MIEF2: variants seen among roughly 807,000 people sequenced by gnomAD.
MIEF2 encodes the protein mitochondrial dynamics protein MID49.
MIEF2 carries 1 observed loss-of-function variant against 7.4 expected under a neutral mutation model. The observed-to-expected ratio is 0.14, with a 90% CI of 0.05 to 0.64. The LOEUF (loss-of-function observed/expected upper bound fraction) is 0.64, where lower values mean the gene tolerates loss of function less well. Among genes scored for constraint, MIEF2 ranks in the 30% least tolerant of loss-of-function variants. MIEF2 has a pLI of 0.85. For synonymous variants in MIEF2, 275 were observed against 290.5 expected, an observed-to-expected ratio of 0.95 and a Z score of 0.54; for missense variants, 569 against 623.9, an observed-to-expected ratio of 0.91 and a Z score of 0.94.
Position 18,264,237 on chromosome 17 carries a change from C to G in MIEF2, c.838C>G (p.Arg280Gly), listed in dbSNP as rs528202505. The G allele has an allele frequency of 6.2e-7, 1 of 1,603,972 alleles. No individual in the cohort carries two copies. The highest frequency in any genetic ancestry group is 8.5e-7 in the Non-Finnish European group (1 of 1,179,682). Reference sequence around the variant, plus strand: ...TGGCAGCCTTCTCGGGTGCCTGATCCGGCCCAGCATGGCCTCGGAGGAGCT... The same window carrying G: ...TGGCAGCCTTCTCGGGTGCCTGATCGGGCCCAGCATGGCCTCGGAGGAGCT... Reference protein sequence around the residue: ...AIGSLLGCLIRPSMASEELLL... With the variant: ...AIGSLLGCLIGPSMASEELLL... Residue 280 changes from arginine (R) to glycine (G), a missense_variant, in exon 4 of 4, where the codon CGG (arginine) becomes GGG (glycine). Arg to Gly is a moderately radical substitution (Grantham distance 125). Transcript: ENST00000323019.
rs116657423 is a variant in MIEF2, at chr17:18,261,588, T to A, written c.-8+851T>A. Among the ~76,000 whole-genome samples, 771 of 152,166 alleles carry A rather than the reference T, an allele frequency of 5.1e-3. 6 individuals are homozygous for A. The highest frequency in any genetic ancestry group is 0.018 in the African/African-American group (750 of 41,504). ...CAGCTCCCAGGGCCTGAGGGCAGTG[T>A]CCCCCTCGCAGAACGTGAGGAATGT... On this transcript the variant is annotated intron_variant, in intron 1 of 3. Transcript: ENST00000323019.
chr17:18,261,070 C>T (rs1470749963), intron 1 of MIEF2: 2 of 1,542,984 alleles, frequency 1.3e-6, no homozygotes, highest in East Asian at 2.4e-5. Context: ...TTTCAGCCAC[C>T]CGTGCCCTTT....
In MIEF2 at chr17:18,263,719, C is replaced by A; in HGVS notation, c.320C>A (p.Ala107Glu). 1 of 1,580,762 alleles carries A rather than the reference C, an allele frequency of 6.3e-7. No homozygotes were observed. Among genetic ancestry groups the A allele is most frequent in the Admixed American group, 1.8e-5 (1 of 56,844 alleles). Reference sequence around the variant, plus strand: ...CCCCTTCACTCTGCAGAAGGGCCTGCAGAAACTGATCCTGAGGTGACACCA... The same window carrying A: ...CCCCTTCACTCTGCAGAAGGGCCTGAAGAAACTGATCCTGAGGTGACACCA... Reference protein sequence around the residue: ...APSSSAPEGPAETDPEVTPQL... With the variant: ...APSSSAPEGPEETDPEVTPQL... The change falls in exon 4 of 4, where the codon GCA becomes GAA. Residue 107 changes from alanine (A) to glutamate (E), a missense_variant. Coordinates refer to ENST00000323019, the MANE Select transcript of MIEF2 (RefSeq NM_139162.4).
intron 3 of MIEF2, 160 bp from the exon 4 acceptor site, chr17:18,263,550 A>C: frequency 3.8e-6 from 4 of 1,039,260 alleles, no homozygotes; most frequent in Non-Finnish European, 5.5e-6. Flanking sequence ...CTCGTCACCA[A>C]GAGCTCACTA....
In MIEF2 at chr17:18,264,097, GC is replaced by G; in HGVS notation, c.703del (p.Arg235ValfsTer44). On this transcript the variant is annotated frameshift_variant, in exon 4 of 4. Coordinates refer to ENST00000323019, the MANE Select transcript of MIEF2 (RefSeq NM_139162.4). LOFTEE classifies it low-confidence loss of function (END_TRUNC). ...GTGCGCAGGACGCAGCTTGAGTTCT[GC>G]CCCCGTGGGAGCAGCCCCTGGGACC... ...WAVRRTQLEF[C>X]PRGSSPWDRF... The G allele has an allele frequency of 6.4e-7, 1 of 1,551,530 alleles. No individual in the cohort carries two copies. Among genetic ancestry groups the G allele is most frequent in the Non-Finnish European group, 8.7e-7 (1 of 1,154,308 alleles).
intron 1 of MIEF2, chr17:18,261,084 G>C: frequency 6.4e-7 from 1 of 1,550,434 alleles, no homozygotes; most frequent in Non-Finnish European, 8.7e-7. Context: ...GCCCTTTCCT[G>C]CTTCTCGGAG....
At chr17:18,262,933 G>A (rs1304941553) in intron 2 of MIEF2, 66 bp downstream of exon 2, 13 of 1,522,792 alleles carry the variant, frequency 8.5e-6, no homozygotes, top group African/African-American at 6.9e-5. Flanking sequence ...GGGCTTTTCA[G>A]AGGGGCCCTG....
At chr17:18,261,266 C>A in intron 1 of MIEF2, 2 of 1,383,364 alleles carry the variant, frequency 1.4e-6, no homozygotes, top group Non-Finnish European at 1.0e-6. Flanking sequence ...GAGATTGAAA[C>A]CGGCCCTGGG....
Position 18,263,809 on chromosome 17 carries a change from A to T in MIEF2, c.410A>T (p.Asp137Val). 6.2e-7 allele frequency: 1 copy of T among 1,609,484 alleles called. No homozygotes were observed. The change falls in exon 4 of 4, where the codon GAC becomes GTC. Residue 137 changes from aspartate (D) to valine (V), a missense_variant. Coordinates refer to ENST00000323019, the MANE Select transcript of MIEF2 (RefSeq NM_139162.4). ...GAGAGGCTGCTGGCCTTCGAGCGGG[A>T]CCGTGTGACCATCCCAGCAGCCCAG... ...LQERLLAFER[D>V]RVTIPAAQVA...
intron 1 of MIEF2, among the ~76,000 whole-genome samples, chr17:18,261,722 T>C (rs1188447178): frequency 6.6e-6 from 1 of 152,256 alleles, no homozygotes; most frequent in East Asian, 1.9e-4. Flanking sequence ...CTATGCCATC[T>C]TACAGGTGAG....
At position 18,264,375 on chromosome 17, in the gene MIEF2, G is replaced by T. The variant is rs373117073; in HGVS notation, c.976G>T (p.Ala326Ser). Residue 326 changes from alanine (A) to serine (S), a missense_variant, in exon 4 of 4, where the codon GCG becomes TCG. Coordinates refer to ENST00000323019, the MANE Select transcript of MIEF2 (RefSeq NM_139162.4). ...CTTGGCCTGGCCCCTGGAGGGGCTGGCGGGGAACCTCTGGCTGCAGGACCT... is the reference window on the plus strand; with the variant it reads ...CTTGGCCTGGCCCCTGGAGGGGCTGTCGGGGAACCTCTGGCTGCAGGACCT... ...LLLAWPLEGL[A>S]GNLWLQDLYP... 9.4e-6 allele frequency: 15 copies of T among 1,602,730 alleles called. No homozygotes were observed. Among genetic ancestry groups the T allele is most frequent in the Non-Finnish European group, 1.2e-5 (14 of 1,179,782 alleles).
In MIEF2 at chr17:18,264,960, G is replaced by A; in HGVS notation, c.*196G>A. ...CTGAGCCCAGAGAGCTTGGGTCACT[G>A]TCACCTGAGTGCAGCTGGGCTGCCT... On this transcript the variant is annotated 3_prime_UTR_variant, in exon 4 of 4. Transcript: ENST00000323019. 5.0e-6 allele frequency: 5 copies of A among 993,352 alleles called. No individual in the cohort carries two copies. Among genetic ancestry groups the A allele is most frequent in the Non-Finnish European group, 7.0e-6 (5 of 710,134 alleles). The allele number at this position is 993,352 out of a possible 1,614,324, so 61.5% of individuals were successfully genotyped here.
At chr17:18,262,987 C>T in intron 2 of MIEF2, 99 bp from the exon 3 acceptor site, 1 of 1,550,202 alleles carries the variant, frequency 6.5e-7, no homozygotes, top group Non-Finnish European at 8.7e-7. Flanking sequence ...GAGCCCAGGG[C>T]ACCTGCTTCT....
At chr17:18,261,243 A>C (rs1978398824) in intron 1 of MIEF2, 5 of 1,481,640 alleles carry the variant, frequency 3.4e-6, no homozygotes, top group Non-Finnish European at 4.6e-6. Flanking sequence ...TTGATCCCCG[A>C]GTCACCGATG....
rs148638315 is a variant in MIEF2 at position 18,262,865 on chromosome 17, C to A, written c.145C>A (p.Arg49=). 6.5e-7 allele frequency: 1 copy of A among 1,536,958 alleles called. No individual in the cohort carries two copies. The highest frequency in any genetic ancestry group is 8.8e-7 in the Non-Finnish European group (1 of 1,141,012). The change falls in exon 2 of 4, where the codon CGG becomes AGG. Residue 49 remains arginine, a splice_region_variant and synonymous_variant. Transcript: ENST00000323019. The part of the protein sequence containing the change: ...VLGIATLAVK[R]FIDRATSPRD... Reference sequence around the variant, plus strand: ...GGGCATTGCCACCCTGGCCGTGAAGCGGGTAAGGCCAAGTGGGCGGGTCAT... The same window carrying A: ...GGGCATTGCCACCCTGGCCGTGAAGAGGGTAAGGCCAAGTGGGCGGGTCAT...
chr17:18,264,426 C>G lies in MIEF2; in HGVS notation c.1027C>G (p.Arg343Gly). 1 of 1,600,998 alleles carries G rather than the reference C, an allele frequency of 6.2e-7. No homozygotes were observed. Among genetic ancestry groups the G allele is most frequent in the East Asian group, 2.2e-5 (1 of 44,866 alleles). ...DLYPVEAARL[R>G]ALDDHDAGTR... ...GTATCCAGTGGAGGCTGCTAGGCTG[C>G]GAGCCCTGGACGACCATGACGCTGG... Residue 343 changes from arginine to glycine, a missense_variant, in exon 4 of 4, where the codon CGA becomes GGA. Transcript: ENST00000323019.
At position 18,263,995 on chromosome 17, in the gene MIEF2, CACTGGTGCT is replaced by C; in HGVS notation, c.597_605del (p.Leu200_Leu202del). 6.4e-7 allele frequency: 1 copy of C among 1,569,024 alleles called. No individual in the cohort carries two copies. The highest frequency in any genetic ancestry group is 2.3e-5 in the East Asian group (1 of 44,136). ...GCGGACCATGTGCGTCTCCTGGTGC[CACTGGTGCT>C]GGAGCCGGGCCTGTGGAGCCTGGTG... On this transcript the variant is annotated inframe_deletion, in exon 4 of 4. Transcript: ENST00000323019.
At chr17:18,261,164 T>G in intron 1 of MIEF2, 1 of 1,551,460 alleles carries the variant, frequency 6.4e-7, no homozygotes, top group Middle Eastern at 1.7e-4. Context: ...TTAGACAGGT[T>G]GGGAGTATTT....
Position 18,263,099 on chromosome 17 carries a change from C to T in MIEF2, c.161C>T (p.Ala54Val), listed in dbSNP as rs1978504747. Residue 54 changes from alanine to valine, a missense_variant, in exon 3 of 4, where the codon GCC becomes GTC. Ala to Val is a moderately conservative substitution (Grantham distance 64). Transcript: ENST00000323019. The part of the protein sequence containing the change: ...TLAVKRFIDR[A>V]TSPRDEDDTK... ...CTGTGCTTGCAGTTCATTGACAGGG[C>T]CACTAGCCCGCGGGATGAGGATGAC... 3 of 1,613,166 alleles carry T rather than the reference C, an allele frequency of 1.9e-6. No individual in the cohort carries two copies. The highest frequency in any genetic ancestry group is 2.7e-5 in the African/African-American group (2 of 74,938).
Sources: gnomAD v4.1 joint callset for allele counts (sites outside exome capture counted in the v4.1 genomes callset) on GRCh38, gnomAD v4.1.1 for gene constraint, MANE v1.5 for transcripts, NCBI Gene and HGNC (gene_info 2026-07-23, HGNC 2026-07-21) for gene names.